The following HHAT variants were observed in gnomAD, a reference collection of about 807,000 sequenced individuals.
The protein encoded by HHAT is hedgehog acyltransferase, also known as protein-cysteine N-palmitoyltransferase HHAT.
A neutral mutation model predicts 70.8 loss-of-function variants in HHAT; 47 were observed. The ratio of observed to expected loss-of-function variants is 0.66; its 90% CI spans 0.53 to 0.85. HHAT has a LOEUF of 0.85. Among genes scored for constraint, HHAT ranks in the 40% least tolerant of loss-of-function variants. HHAT has a pLI of 0.00. For missense variants in HHAT, 609 were observed against 604.8 expected (o/e 1.01, Z -0.07); for synonymous variants, 228 against 247.6 (o/e 0.92, Z 0.74).
intron 8 of HHAT, among the ~76,000 whole-genome samples, chr1:210,487,634 G>T (rs987255546): frequency 6.6e-6 from 1 of 152,160 alleles, no homozygotes; most frequent in African/African-American, 2.4e-5. Flanking sequence ...AGAAGATGTT[G>T]CTCCAAAATA....
intron 8 of HHAT, among the ~76,000 whole-genome samples, chr1:210,466,646 T>TG (rs1158866943): frequency 6.6e-6 from 1 of 152,230 alleles, no homozygotes; most frequent in Non-Finnish European, 1.5e-5. Flanking sequence ...CATAACTCCC[T>TG]GGCACACATG....
At chr1:210,564,719 A>C (rs1362064322) in intron 9 of HHAT, among the ~76,000 whole-genome samples, 1 of 152,076 alleles carries the variant, frequency 6.6e-6, no homozygotes, top group African/African-American at 2.4e-5. Context: ...GCACAATGTA[A>C]TAGATAGGAC....
intron 10 of HHAT, among the ~76,000 whole-genome samples, chr1:210,612,291 C>A (rs1335557726): frequency 6.6e-6 from 1 of 152,144 alleles, no homozygotes; most frequent in Non-Finnish European, 1.5e-5. Context: ...TTTCATCATC[C>A]TAATCTGAAA....
chr1:210,452,858 T>A lies in HHAT; in HGVS notation c.857-11647T>A, dbSNP rs2093782220. Among the ~76,000 whole-genome samples, 5 of 152,242 alleles carry A rather than the reference T, an allele frequency of 3.3e-5. No homozygotes were observed. In the South Asian group the frequency reaches 8.3e-4, roughly 25 times the overall value. On this transcript the variant is annotated intron_variant, in intron 7 of 11. Coordinates refer to ENST00000261458, the MANE Select transcript of HHAT (RefSeq NM_018194.6). Reference sequence around the variant, plus strand: ...GAGCGAGGAGATAGAAAAGTGAAAATAATTGAAAGTTGGTTGTTCTTACAT... The same window carrying A: ...GAGCGAGGAGATAGAAAAGTGAAAAAAATTGAAAGTTGGTTGTTCTTACAT...
intron 7 of HHAT, among the ~76,000 whole-genome samples, chr1:210,443,484 A>G (rs1318304735): frequency 7.0e-6 from 1 of 142,576 alleles, no homozygotes; most frequent in Admixed American, 7.3e-5. Context: ...TGAGCATGGA[A>G]TGTTCTTCCA....
In HHAT at chr1:210,464,539, C is replaced by T. The variant is rs772817379; in HGVS notation, c.891C>T (p.Tyr297=). 4.8e-5 allele frequency: 78 copies of T among 1,614,044 alleles called. No individual in the cohort carries two copies. Among genetic ancestry groups the T allele is most frequent in the Middle Eastern group, 3.3e-4 (2 of 6,084 alleles). The change falls in exon 8 of 12, where the codon TAC becomes TAT. Residue 297 remains tyrosine (Y), a synonymous_variant. Transcript: ENST00000261458. ...GLALAQVLFF[Y]VKYLVLFGVP... The stretch of plus-strand genomic sequence containing the variant: ...CGTTAGCCCAGGTGCTCTTTTTCTA[C>T]GTGAAGTACTTGGTGCTCTTTGGCG...
intron 8 of HHAT, among the ~76,000 whole-genome samples, chr1:210,505,159 A>G (rs2094830793): frequency 6.6e-6 from 1 of 152,084 alleles, no homozygotes; most frequent in Non-Finnish European, 1.5e-5. Flanking sequence ...TCGGCCTCCC[A>G]AAGTGCTGGG....
chr1:210,605,265 T>G (rs80173577), intron 10 of HHAT, among the ~76,000 whole-genome samples: 2,345 of 152,294 alleles, frequency 0.015, 88 homozygotes, highest in African/African-American at 0.053. Context: ...GGTAAATAAT[T>G]TATCTCAGAA....
At chr1:210,478,171 C>T (rs1465326805) in intron 8 of HHAT, among the ~76,000 whole-genome samples, 1 of 152,178 alleles carries the variant, frequency 6.6e-6, no homozygotes, top group Non-Finnish European at 1.5e-5. Flanking sequence ...TGGTCACTCA[C>T]TCTAATAGGA....
In HHAT at chr1:210,529,304, C is replaced by CAA. The variant is rs11341906; in HGVS notation, c.1043+16123_1043+16124dup. 8.2e-5 allele frequency among the ~76,000 whole-genome samples: 10 copies of CAA among 122,098 alleles called. No individual in the cohort carries two copies. The South Asian group carries it at 2.1e-3, about 25-fold the overall frequency. 80.1% of individuals were successfully genotyped at this position (122,098 alleles called of 152,430 possible). ...TGGGCAACAGAACGAGACTTCATCT[C>CAA]AAAAAAAACAAAGGAAAAAAAAAAA... On this transcript the variant is annotated intron_variant, in intron 9 of 11. Transcript: ENST00000261458.
At chr1:210,550,090 C>T (rs1338354629) in intron 9 of HHAT, among the ~76,000 whole-genome samples, 1 of 149,074 alleles carries the variant, frequency 6.7e-6, no homozygotes, top group Admixed American at 6.9e-5. Flanking sequence ...TTTGTTCTTT[C>T]TACTTCTGAT....
intron 9 of HHAT, among the ~76,000 whole-genome samples, chr1:210,586,716 G>A (rs1027921505): frequency 2.6e-5 from 4 of 152,064 alleles, no homozygotes; most frequent in Non-Finnish European, 5.9e-5. Context: ...AGGAAGGTTG[G>A]ACAAAGAAGC....
chr1:210,648,380 G>C (rs772363957), intron 11 of HHAT, among the ~76,000 whole-genome samples: 4 of 152,212 alleles, frequency 2.6e-5, no homozygotes, highest in Non-Finnish European at 5.9e-5. Context: ...CATATAGTCA[G>C]CATACGTTCA....
chr1:210,329,077 CG>C lies in HHAT; in HGVS notation c.-70del. On this transcript the variant is annotated 5_prime_UTR_variant, in exon 1 of 12. An upstream open reading frame in the 5' UTR gains an earlier in-frame stop. Transcript: ENST00000261458. The stretch of plus-strand genomic sequence containing the variant: ...AACTCGCGGCGCGCGTGAACGTTGC[CG>C]TCGCCGCCGCCCGGGACAGCCCGGA... The C allele has an allele frequency of 7.0e-7, 1 of 1,425,424 alleles. No individual in the cohort carries two copies. Among genetic ancestry groups the C allele is most frequent in the Non-Finnish European group, 9.2e-7 (1 of 1,088,814 alleles). The allele number at this position is 1,425,424 out of a possible 1,614,324, so 88.3% of individuals were successfully genotyped here.
rs1450061151 is a variant in HHAT, at chr1:210,374,204, T to A, written c.159+11285T>A. On this transcript the variant is annotated intron_variant, in intron 3 of 11. Transcript: ENST00000261458. ...AAAAATTAGCTTATAACTGATTTGTTTCTCTCCACGGAAATCTTTAGTAAA... is the reference window on the plus strand; with the variant it reads ...AAAAATTAGCTTATAACTGATTTGTATCTCTCCACGGAAATCTTTAGTAAA... The A allele has an allele frequency of 2.0e-5, 3 of 152,328 alleles. No homozygotes were observed. In the South Asian group the frequency reaches 6.2e-4, roughly 32 times the overall value. 9.4% of individuals were successfully genotyped at this position (152,328 alleles called of 1,614,324 possible). A position where few individuals can be genotyped will look rare whatever the true frequency, so the allele number is the denominator to read the frequency against.
chr1:210,646,629 G>C (rs756102199), intron 11 of HHAT, among the ~76,000 whole-genome samples: 1 of 152,166 alleles, frequency 6.6e-6, no homozygotes, highest in Non-Finnish European at 1.5e-5. Context: ...GAAAATAACA[G>C]AAATGGAAGA....
chr1:210,560,663 A>T (rs1280275249), intron 9 of HHAT, among the ~76,000 whole-genome samples: 1 of 151,086 alleles, frequency 6.6e-6, no homozygotes, highest in Non-Finnish European at 1.5e-5. Context: ...AAAAAAAAAA[A>T]GCCAGGTGTG....
At chr1:210,623,784 G>C in intron 11 of HHAT, 114 bp downstream of exon 11, 1 of 1,107,844 alleles carries the variant, frequency 9.0e-7, no homozygotes, top group Non-Finnish European at 1.3e-6. Flanking sequence ...TTATGTTCAT[G>C]GCATGTGACC....
At chr1:210,556,181 T>A (rs1377008714) in intron 9 of HHAT, among the ~76,000 whole-genome samples, 1 of 152,138 alleles carries the variant, frequency 6.6e-6, no homozygotes, top group Non-Finnish European at 1.5e-5. Flanking sequence ...GGCGTGTAAA[T>A]TGCAGCCCTT....
Sources: allele counts gnomAD v4.1 joint callset (sites outside exome capture counted in the v4.1 genomes callset), GRCh38; gene constraint gnomAD v4.1.1; transcripts MANE v1.5; gene names NCBI Gene and HGNC (gene_info 2026-07-23, HGNC 2026-07-21).